Variants in ABCB8 observed in about 807,000 individuals in gnomAD.
ABCB8 encodes mitochondrial potassium channel ATP-binding subunit.
A neutral mutation model predicts 73.0 loss-of-function variants in ABCB8; 52 were observed. The observed-to-expected ratio is 0.71, with a 90% CI of 0.57 to 0.90. The LOEUF (loss-of-function observed/expected upper bound fraction) is 0.90, where lower values mean the gene tolerates loss of function less well. Ranked by LOEUF, ABCB8 falls within the 40% of genes least tolerant of loss-of-function variation. The probability of loss-of-function intolerance (pLI) is 0.00; values close to 1 mark genes in which losing one functional copy is unlikely to be tolerated. For missense variants in ABCB8, 909 were observed against 974.6 expected (o/e 0.93, Z 0.90); for synonymous variants, 428 against 423.5 (o/e 1.01, Z -0.13).
rs1563299836 is a variant in ABCB8 at position 151,040,525 on chromosome 7, CG to C, written c.1282del (p.Val428SerfsTer7). 2 of 1,612,866 alleles carry C rather than the reference CG, an allele frequency of 1.2e-6. No individual in the cohort carries two copies. The highest frequency in any genetic ancestry group is 1.7e-6 in the Non-Finnish European group (2 of 1,179,480). On this transcript the variant is annotated frameshift_variant, in exon 11 of 16. Transcript: ENST00000358849. LOFTEE classifies it high-confidence loss of function. ...GGTCCGGGGGCTGAGTGCAGGTGCC[CG>C]GGTCTTTGAGTACATGGCCCTGAAC... ...QVVRGLSAGA[R>X]VFEYMALNPC... is the part of the protein sequence containing the mutation.
At chr7:151,029,009 G>A in intron 1 of ABCB8, 1 of 1,209,728 alleles carries the variant, frequency 8.3e-7, no homozygotes, top group African/African-American at 1.6e-5. Flanking sequence ...AAGAACTAGA[G>A]ATGTTCAGCA....
chr7:151,036,604 G>C lies in ABCB8; in HGVS notation c.1172G>C (p.Gly391Ala), dbSNP rs147304939. 118 of 1,613,466 alleles carry C rather than the reference G, an allele frequency of 7.3e-5. No individual in the cohort carries two copies. Among genetic ancestry groups the C allele is most frequent in the Non-Finnish European group, 9.6e-5 (113 of 1,179,718 alleles). ...CTTGTGGCCGGACAGCAGCTGACAG[G>C]GGGAGACCTCATGTCCTTCCTGGTG... ...GSLVAGQQLT[G>A]GDLMSFLVAS... Residue 391 changes from glycine to alanine, a missense_variant, in exon 9 of 16, where the codon GGG becomes GCG. By Grantham distance (60) the Gly-to-Ala change is moderately conservative. Transcript: ENST00000358849.
chr7:151,043,862 A>AGGCAGGAGGAGGATGCACGGTGC (rs1796541449), intron 14 of ABCB8, 109 bp from the exon 15 acceptor site: 1 of 1,478,564 alleles, frequency 6.8e-7, no homozygotes, highest in South Asian at 1.3e-5. Context: ...CAGTGCTGAG[A>AGGCAGGAGGAGGATGCACGGTGC]GGGGCACTTA....
At chr7:151,037,655 AC>A in intron 9 of ABCB8, 1 of 296,578 alleles carries the variant, frequency 3.4e-6, no homozygotes, top group East Asian at 8.6e-5. Context: ...TCCCCCCACG[AC>A]CCCCCTGCTC....
intron 1 of ABCB8, among the ~76,000 whole-genome samples, chr7:151,031,956 C>T (rs1442466134): frequency 2.0e-5 from 3 of 152,180 alleles, no homozygotes; most frequent in South Asian, 4.1e-4. Flanking sequence ...TGGCACATCT[C>T]GGCCTAAAAA....
chr7:151,034,736 C>G lies in ABCB8; in HGVS notation c.672C>G (p.Thr224=), dbSNP rs746004231. The change falls in exon 5 of 16, where the codon ACC becomes ACG. Residue 224 remains threonine, a synonymous_variant. Coordinates refer to ENST00000358849, the MANE Select transcript of ABCB8 (RefSeq NM_007188.5). ...TGTCCCATGCCAGACAAGACATCAC[C>G]TTCTTTGACGCCAATAAGACAGGGC... ...LFSSLLRQDI[T]FFDANKTGQL... The G allele has an allele frequency of 2.5e-6, 4 of 1,613,924 alleles. No homozygotes were observed. The East Asian group carries it at 6.7e-5, about 27-fold the overall frequency.
intron 9 of ABCB8, chr7:151,037,221 A>C: frequency 1.4e-6 from 1 of 702,626 alleles, no homozygotes; most frequent in South Asian, 1.5e-5. Flanking sequence ...GCGTTTTGTC[A>C]CTCCACATTG....
intron 5 of ABCB8, 94 bp downstream of exon 5, chr7:151,034,923 G>C: frequency 1.8e-6 from 2 of 1,115,848 alleles, no homozygotes; most frequent in Non-Finnish European, 2.6e-6. Flanking sequence ...CTGATGTTGG[G>C]CTGACAGGCG....
chr7:151,041,249 G>A lies in ABCB8; in HGVS notation c.1617+17G>A, dbSNP rs73472596. The stretch of plus-strand genomic sequence containing the variant: ...ATCAGCCAGGTGCGGGGCCACATGG[G>A]CAGCCCTTGGCTCCCACTGCCCGTC... On this transcript the variant is annotated intron_variant, in intron 13 of 15. Transcript: ENST00000358849. 2.5e-3 allele frequency: 3,909 copies of A among 1,587,788 alleles called. 92 individuals are homozygous for A. The African/African-American group carries it at 0.047, about 19-fold the overall frequency.
At chr7:151,034,092 C>T (rs935344270) in intron 2 of ABCB8, among the ~76,000 whole-genome samples, 175 bp downstream of exon 2, 1 of 152,146 alleles carries the variant, frequency 6.6e-6, no homozygotes, top group African/African-American at 2.4e-5. Flanking sequence ...GGCAGGGTTC[C>T]GTGGGGACTG....
At chr7:151,040,707 G>A in intron 11 of ABCB8, 73 bp downstream of exon 11, 2 of 1,600,394 alleles carry the variant, frequency 1.2e-6, no homozygotes, top group Non-Finnish European at 8.5e-7. Context: ...GGGGGTGGAG[G>A]TCTGGACTAA....
In ABCB8 at chr7:151,045,445, C is replaced by A; in HGVS notation, c.*96C>A. On this transcript the variant is annotated 3_prime_UTR_variant, in exon 16 of 16. Transcript: ENST00000358849. ...ACTGGGGACTGAGCCCCCAGGAGGG[C>A]CAGCATGTGGAGAGTCGCTGCGGCT... The A allele has an allele frequency of 7.5e-7, 1 of 1,342,040 alleles. No individual in the cohort carries two copies. Among genetic ancestry groups the A allele is most frequent in the South Asian group, 1.9e-5 (1 of 53,302 alleles). 83.1% of individuals were successfully genotyped at this position (1,342,040 alleles called of 1,614,324 possible).
rs1796442980 is a variant in ABCB8, at chr7:151,040,922, G to C, written c.1483G>C (p.Gly495Arg). The C allele has an allele frequency of 6.2e-7, 1 of 1,601,716 alleles. No individual in the cohort carries two copies. Among genetic ancestry groups the C allele is most frequent in the Non-Finnish European group, 8.5e-7 (1 of 1,174,092 alleles). ...GGCCCTCGTGGGCCAGTCTGGCGGAGGTAAGGGGAGCCCACCACCTCTTCA... is the reference window on the plus strand; with the variant it reads ...GGCCCTCGTGGGCCAGTCTGGCGGACGTAAGGGGAGCCCACCACCTCTTCA... The part of the protein sequence containing the change: ...IVALVGQSGG[G>R]KTTVASLLER... The change falls in exon 12 of 16, where the codon GGA becomes CGA. Residue 495 changes from glycine (G) to arginine (R), a missense_variant and splice_region_variant. Transcript: ENST00000358849.
chr7:151,033,477 G>T (rs1796218459), intron 1 of ABCB8, 128 bp from the exon 2 acceptor site: 4 of 1,453,068 alleles, frequency 2.8e-6, no homozygotes, highest in Non-Finnish European at 3.6e-6. Flanking sequence ...CCTGAGAAGG[G>T]CAGGGGCAAG....
In ABCB8 at chr7:151,035,839, C is replaced by A. The variant is rs900481365; in HGVS notation, c.928-43C>A. 2.5e-6 allele frequency: 4 copies of A among 1,611,066 alleles called. No homozygotes were observed. In the Admixed American group the frequency reaches 6.7e-5, roughly 27 times the overall value. ...CTGTCCCCATCCTGGACTCCTTGTCCTGTTTTCTGGACTCCTTGTCCTGTT... is the reference window on the plus strand; with the variant it reads ...CTGTCCCCATCCTGGACTCCTTGTCATGTTTTCTGGACTCCTTGTCCTGTT... On this transcript the variant is annotated intron_variant, in intron 6 of 15. Transcript: ENST00000358849.
chr7:151,034,236 A>G, intron 2 of ABCB8, 37 bp from the exon 3 acceptor site: 1 of 1,582,112 alleles, frequency 6.3e-7, no homozygotes, highest in Non-Finnish European at 8.6e-7. Context: ...TGGCTCCCCC[A>G]CTTAAAACAT....
chr7:151,036,880 A>G (rs1796325432), intron 9 of ABCB8: 1 of 755,516 alleles, frequency 1.3e-6, no homozygotes, highest in African/African-American at 1.7e-5. Flanking sequence ...TGTCATCTTC[A>G]GCCTTCCAAA....
intron 2 of ABCB8, 94 bp from the exon 3 acceptor site, chr7:151,034,179 A>G: frequency 7.2e-7 from 1 of 1,398,214 alleles, no homozygotes; most frequent in East Asian, 2.3e-5. Context: ...CGCAGTGCTC[A>G]GTAGTGGGAG....
Position 151,028,524 on chromosome 7 carries a change from G to A in ABCB8, c.9G>A (p.Val3=). ML[V]HLFRVGIRGG... ...TGTTTTACCGCGTCAGCATGCTGGTGCATTTATTTCGGGTCGGGATTCGGG... is the reference window on the plus strand; with the variant it reads ...TGTTTTACCGCGTCAGCATGCTGGTACATTTATTTCGGGTCGGGATTCGGG... Residue 3 remains valine, a synonymous_variant, in exon 1 of 16, where the codon GTG becomes GTA. Coordinates refer to ENST00000358849, the MANE Select transcript of ABCB8 (RefSeq NM_007188.5). 1 of 1,613,674 alleles carries A rather than the reference G, an allele frequency of 6.2e-7. No individual in the cohort carries two copies. Among genetic ancestry groups the A allele is most frequent in the Non-Finnish European group, 8.5e-7 (1 of 1,179,904 alleles).
Sources: gnomAD v4.1 joint callset for allele counts (sites outside exome capture counted in the v4.1 genomes callset) on GRCh38, gnomAD v4.1.1 for gene constraint, MANE v1.5 for transcripts, NCBI Gene and HGNC (gene_info 2026-07-23, HGNC 2026-07-21) for gene names.